Variants in SORCS1 observed in about 807,000 individuals in gnomAD.
SORCS1 encodes the protein sortilin related VPS10 domain containing receptor 1.
SORCS1 carries 60 observed loss-of-function variants against 146.1 expected under a neutral mutation model. The observed-to-expected ratio is 0.41, with a 90% CI of 0.33 to 0.51. The LOEUF (loss-of-function observed/expected upper bound fraction) is 0.51. Ranked by LOEUF, SORCS1 falls within the 20% of genes least tolerant of loss-of-function variation. SORCS1 has a pLI of 0.21. For missense variants in SORCS1, 1,352 were observed against 1,487.6 expected (o/e 0.91, Z 1.50); for synonymous variants, 637 against 584.0 (o/e 1.09, Z -1.31).
intron 6 of SORCS1, among the ~76,000 whole-genome samples, chr10:106,710,275 C>T (rs1468798901): frequency 6.6e-5 from 10 of 151,902 alleles, no homozygotes; most frequent in African/African-American, 9.7e-5. Context: ...GGTGAAACCC[C>T]GTCTCTACTA....
chr10:106,998,968 C>T (rs17277986), intron 1 of SORCS1, among the ~76,000 whole-genome samples: 33,043 of 152,074 alleles, frequency 0.22, 4,377 homozygotes, highest in Middle Eastern at 0.32. Flanking sequence ...AGAAGTTTGG[C>T]GCTGAATAAT....
At chr10:106,804,712 T>C (rs1947077943) in intron 3 of SORCS1, among the ~76,000 whole-genome samples, 1 of 152,168 alleles carries the variant, frequency 6.6e-6, no homozygotes, top group East Asian at 1.9e-4. Context: ...AATAGACTTT[T>C]CCTAGCATGG....
At chr10:106,984,617 T>C (rs529421769) in intron 1 of SORCS1, among the ~76,000 whole-genome samples, 5 of 151,836 alleles carry the variant, frequency 3.3e-5, no homozygotes, top group African/African-American at 1.2e-4. Context: ...ATGGTCTTTA[T>C]CTCCTGACCT....
chr10:106,835,428 C>T (rs528920834), intron 2 of SORCS1, among the ~76,000 whole-genome samples: 105 of 152,268 alleles, frequency 6.9e-4, no homozygotes, highest in African/African-American at 2.5e-3. Context: ...TCAATACTTA[C>T]TAAAACCTAC....
chr10:106,967,118 A>T (rs1955531566), intron 1 of SORCS1, among the ~76,000 whole-genome samples: 1 of 151,558 alleles, frequency 6.6e-6, no homozygotes, highest in African/African-American at 2.4e-5. Flanking sequence ...CCACTCAAAA[A>T]AAAAAAAAAT....
chr10:107,174,298 C>T, the SORCS1 span, among the ~76,000 whole-genome samples: 2 of 152,098 alleles, frequency 1.3e-5, no homozygotes, highest in South Asian at 2.1e-4. Context: ...CTTCGCCTCC[C>T]GGGTTCACGC....
At chr10:106,752,738 TTGG>T (rs1427570367) in intron 5 of SORCS1, among the ~76,000 whole-genome samples, 1 of 152,048 alleles carries the variant, frequency 6.6e-6, no homozygotes, top group Non-Finnish European at 1.5e-5. Flanking sequence ...CATTGGGGTG[TTGG>T]TGGTGGAGCT....
chr10:106,596,068 A>G (rs1179895432), intron 24 of SORCS1, among the ~76,000 whole-genome samples: 7 of 152,318 alleles, frequency 4.6e-5, no homozygotes, highest in Admixed American at 2.6e-4. Flanking sequence ...CAGAAGTTAA[A>G]TGTCTTTCCC....
At chr10:106,640,210 T>C (rs1848984307) in intron 18 of SORCS1, among the ~76,000 whole-genome samples, 1 of 152,216 alleles carries the variant, frequency 6.6e-6, no homozygotes, top group South Asian at 2.1e-4. Flanking sequence ...ATCTGATGGC[T>C]GACAGCATCC....
intron 3 of SORCS1, among the ~76,000 whole-genome samples, chr10:106,814,966 T>G (rs1947664109): frequency 6.6e-6 from 1 of 151,712 alleles, no homozygotes; most frequent in Non-Finnish European, 1.5e-5. Flanking sequence ...TTTTATTTAT[T>G]TTTTAGTTTT....
intron 14 of SORCS1, 57 bp downstream of exon 14, chr10:106,674,992 T>C (rs757683278): frequency 1.4e-5 from 19 of 1,405,354 alleles, no homozygotes; most frequent in Non-Finnish European, 1.9e-5. Context: ...CTATAAAACA[T>C]TTTTGTGGAT....
chr10:106,779,545 ATATT>A (rs1860730633), intron 3 of SORCS1, among the ~76,000 whole-genome samples: 3 of 116,730 alleles, frequency 2.6e-5, no homozygotes, highest in Non-Finnish European at 5.6e-5. Flanking sequence ...ATTATGGCCC[ATATT>A]TTTTTTTTTT....
At chr10:106,722,239 C>T (rs1855838950) in intron 6 of SORCS1, among the ~76,000 whole-genome samples, 1 of 151,266 alleles carries the variant, frequency 6.6e-6, no homozygotes, top group Non-Finnish European at 1.5e-5. Context: ...TAAAAGTAAT[C>T]TATATTCATA....
chr10:106,890,000 A>G (rs1951168702), intron 2 of SORCS1, among the ~76,000 whole-genome samples: 1 of 151,932 alleles, frequency 6.6e-6, no homozygotes, highest in Non-Finnish European at 1.5e-5. Context: ...ACTATTTCTC[A>G]AAGTGCAGCA....
At chr10:106,932,236 G>T (rs1055057733) in intron 2 of SORCS1, among the ~76,000 whole-genome samples, 1 of 152,046 alleles carries the variant, frequency 6.6e-6, no homozygotes, top group African/African-American at 2.4e-5. Context: ...AGAATTACAT[G>T]ATTTTTTTGA....
At chr10:106,940,306 A>T (rs1242158276) in intron 2 of SORCS1, among the ~76,000 whole-genome samples, 1 of 152,204 alleles carries the variant, frequency 6.6e-6, no homozygotes, top group East Asian at 1.9e-4. Flanking sequence ...CACAGATAAC[A>T]TATTTTTAAA....
At chr10:106,866,989 T>C (rs1325022326) in intron 2 of SORCS1, among the ~76,000 whole-genome samples, 2 of 151,918 alleles carry the variant, frequency 1.3e-5, no homozygotes, top group Non-Finnish European at 2.9e-5. Context: ...CCAACAAGAG[T>C]TCTTAACCAG....
intron 2 of SORCS1, among the ~76,000 whole-genome samples, chr10:106,929,513 TTCCG>T (rs1953277354): frequency 6.6e-6 from 1 of 152,188 alleles, no homozygotes; most frequent in Non-Finnish European, 1.5e-5. Flanking sequence ...TCTTTTCTTT[TTCCG>T]TCTCTAACAA....
chr10:106,898,552 C>T (rs1206985116), intron 2 of SORCS1, among the ~76,000 whole-genome samples: 1 of 152,188 alleles, frequency 6.6e-6, no homozygotes, highest in Non-Finnish European at 1.5e-5. Flanking sequence ...TGGCCACTGT[C>T]ACTGATCAAA....
Sources: allele counts gnomAD v4.1 joint callset (sites outside exome capture counted in the v4.1 genomes callset), GRCh38; gene constraint gnomAD v4.1.1; transcripts MANE v1.5; gene names NCBI Gene and HGNC (gene_info 2026-07-23, HGNC 2026-07-21).